The following SMC3 variants were observed in gnomAD, a reference collection of about 807,000 sequenced individuals.
The protein encoded by SMC3 is structural maintenance of chromosomes 3, also known as structural maintenance of chromosomes protein 3.
A neutral mutation model predicts 171.8 loss-of-function variants in SMC3; 20 were observed. The observed-to-expected ratio is 0.12, with a 90% CI of 0.08 to 0.17. SMC3 has a LOEUF of 0.17. Among genes scored for constraint, SMC3 ranks in the 10% least tolerant of loss-of-function variants. SMC3 has a pLI of 1.00. For synonymous variants in SMC3, 464 were observed against 451.1 expected, an observed-to-expected ratio of 1.03 and a Z score of -0.36; for missense variants, 543 against 1,420.4, an observed-to-expected ratio of 0.38 and a Z score of 9.93.
At chr10:110,568,767 CTTTTT>C (rs35132779) in intron 1 of SMC3, among the ~76,000 whole-genome samples, 166 bp from the exon 2 acceptor site, 44 of 143,212 alleles carry the variant, frequency 3.1e-4, no homozygotes, top group African/African-American at 1.1e-3. Context: ...ATAAAAGTAC[CTTTTT>C]TTTTTTTTAG....
At chr10:110,602,280 G>A in intron 25 of SMC3, 102 bp downstream of exon 25, 2 of 1,121,814 alleles carry the variant, frequency 1.8e-6, no homozygotes, top group Non-Finnish European at 2.7e-6. Context: ...ATTACCAGGT[G>A]AATCTAATAC....
intron 1 of SMC3, among the ~76,000 whole-genome samples, chr10:110,568,062 C>G (rs1590545279): frequency 6.6e-6 from 1 of 152,172 alleles, no homozygotes; most frequent in Non-Finnish European, 1.5e-5. Flanking sequence ...TGGCGCTTGT[C>G]TGGGAGAGGC....
intron 13 of SMC3, among the ~76,000 whole-genome samples, chr10:110,587,260 CATT>C (rs1463605281): frequency 6.6e-6 from 1 of 152,184 alleles, no homozygotes; most frequent in Non-Finnish European, 1.5e-5. Context: ...GTCTACAAAA[CATT>C]ATATTTTGAA....
chr10:110,576,648 T>G (rs1489284118), intron 4 of SMC3, among the ~76,000 whole-genome samples: 1 of 152,236 alleles, frequency 6.6e-6, no homozygotes, highest in Non-Finnish European at 1.5e-5. Flanking sequence ...TTGTCTGTCT[T>G]TTCCCCTTGT....
intron 13 of SMC3, among the ~76,000 whole-genome samples, chr10:110,588,634 G>A (rs1437099903): frequency 6.6e-6 from 1 of 152,128 alleles, no homozygotes; most frequent in Non-Finnish European, 1.5e-5. Context: ...AGAATGCCTG[G>A]TACATACTGG....
At chr10:110,576,203 G>A (rs1860946460) in intron 4 of SMC3, among the ~76,000 whole-genome samples, 1 of 152,118 alleles carries the variant, frequency 6.6e-6, no homozygotes, top group Non-Finnish European at 1.5e-5. Context: ...ATACTATGCT[G>A]AAAGTAAAAA....
chr10:110,576,341 A>T (rs1000953419), intron 4 of SMC3, among the ~76,000 whole-genome samples: 1 of 152,230 alleles, frequency 6.6e-6, no homozygotes, highest in Non-Finnish European at 1.5e-5. Context: ...AATGTGAGTT[A>T]GGATATTTTA....
chr10:110,597,528 G>T (rs968574041), intron 19 of SMC3, among the ~76,000 whole-genome samples: 1 of 152,214 alleles, frequency 6.6e-6, no homozygotes, highest in African/African-American at 2.4e-5. Flanking sequence ...TATAACTTCT[G>T]TGCCATCAGT....
chr10:110,582,010 A>T lies in SMC3; in HGVS notation c.635A>T (p.Gln212Leu), dbSNP rs751868443. Residue 212 changes from glutamine to leucine, a missense_variant, in exon 9 of 29, where the codon CAG becomes CTG. Coordinates refer to ENST00000361804, the MANE Select transcript of SMC3 (RefSeq NM_005445.4). Reference protein sequence around the residue: ...TLEEEKEELAQYQKWDKMRRA... With the variant: ...TLEEEKEELALYQKWDKMRRA... Reference sequence around the variant, plus strand: ...GAGGAAGAAAAGGAAGAACTAGCTCAGTATCAGAAGTGGGATAAAATGAGA... The same window carrying T: ...GAGGAAGAAAAGGAAGAACTAGCTCTGTATCAGAAGTGGGATAAAATGAGA... 3.1e-6 allele frequency: 5 copies of T among 1,613,152 alleles called. No individual in the cohort carries two copies. Among genetic ancestry groups the T allele is most frequent in the Non-Finnish European group, 4.2e-6 (5 of 1,179,152 alleles).
At position 110,590,461 on chromosome 10, in the gene SMC3, G is replaced by A. The variant is rs1338060180; in HGVS notation, c.1559G>A (p.Arg520His). 1.4e-5 allele frequency: 23 copies of A among 1,613,960 alleles called. No homozygotes were observed. Among genetic ancestry groups the A allele is most frequent in the East Asian group, 2.2e-5 (1 of 44,864 alleles). ...DSINKVLDHF[R>H]RKGINQHVQN... is the part of the protein sequence containing the mutation. ...ATAAACAAAGTGCTAGACCACTTCC[G>A]TCGAAAAGGAATAAACCAGCATGTT... is the stretch of plus-strand genomic sequence containing the variant. Residue 520 changes from arginine (R) to histidine (H), a missense_variant, in exon 16 of 29, where the codon CGT becomes CAT. Around this residue, in one of 8 missense-constraint regions of SMC3, gnomAD observed 218 missense variants for 509.6 expected, o/e 0.43. Coordinates refer to ENST00000361804, the MANE Select transcript of SMC3 (RefSeq NM_005445.4).
At chr10:110,568,366 C>G in intron 1 of SMC3, 1 of 172,978 alleles carries the variant, frequency 5.8e-6, no homozygotes, top group Non-Finnish European at 1.2e-5. Flanking sequence ...GACCCTCCTG[C>G]TTGCAGGATA....
At chr10:110,569,734 GAGA>G (rs1860841960) in intron 2 of SMC3, among the ~76,000 whole-genome samples, 1 of 152,188 alleles carries the variant, frequency 6.6e-6, no homozygotes, top group Non-Finnish European at 1.5e-5. Flanking sequence ...TAGGGCTGTT[GAGA>G]AGATTAAATG....
Position 110,604,303 on chromosome 10 carries a change from T to C in SMC3, c.*1T>C, listed in dbSNP as rs754702619. On this transcript the variant is annotated 3_prime_UTR_variant, in exon 29 of 29. Coordinates refer to ENST00000361804, the MANE Select transcript of SMC3 (RefSeq NM_005445.4). ...AGAAGATGATACCACACATGGTTAATTGGAAAATACTACCTACTGGTTTGG... is the reference window on the plus strand; with the variant it reads ...AGAAGATGATACCACACATGGTTAACTGGAAAATACTACCTACTGGTTTGG... 35 of 1,601,478 alleles carry C rather than the reference T, an allele frequency of 2.2e-5. No homozygotes were observed. The East Asian group carries it at 2.2e-4, about 10-fold the overall frequency.
chr10:110,591,992 G>A (rs1374917098), intron 17 of SMC3, among the ~76,000 whole-genome samples: 1 of 152,106 alleles, frequency 6.6e-6, no homozygotes, highest in Admixed American at 6.5e-5. Context: ...GGCCAGGCTC[G>A]GTGGCTCACA....
chr10:110,583,363 C>G, intron 10 of SMC3, 21 bp from the exon 11 acceptor site: 1 of 1,601,024 alleles, frequency 6.2e-7, no homozygotes, highest in South Asian at 1.1e-5. Context: ...GCCTTATTTT[C>G]TGTTTAATAC....
intron 19 of SMC3, among the ~76,000 whole-genome samples, chr10:110,597,158 A>G (rs979882696): frequency 3.6e-5 from 5 of 137,206 alleles, no homozygotes; most frequent in Admixed American, 2.2e-4. Flanking sequence ...AAAAAAAAAA[A>G]GGTGACAGGG....
In SMC3 at chr10:110,583,822, A is replaced by G. The variant is rs1590556631; in HGVS notation, c.970-19A>G. On this transcript the variant is annotated intron_variant, in intron 11 of 28. Transcript: ENST00000361804. ...ATGCAAAAAATTTAAAGCAGTTTGC[A>G]TTTTTACTTTGTTTACAGAAACGTT... is the stretch of plus-strand genomic sequence containing the variant. 4 of 1,611,142 alleles carry G rather than the reference A, an allele frequency of 2.5e-6. No individual in the cohort carries two copies. Among genetic ancestry groups the G allele is most frequent in the Non-Finnish European group, 3.4e-6 (4 of 1,179,160 alleles).
chr10:110,567,944 G>A lies in SMC3; in HGVS notation c.15+113G>A, dbSNP rs1860799531. The A allele has an allele frequency of 2.3e-6, 3 of 1,310,134 alleles. No homozygotes were observed. The South Asian group carries it at 3.7e-5, about 16-fold the overall frequency. The allele number at this position is 1,310,134 out of a possible 1,614,324, so 81.2% of individuals were successfully genotyped here. On this transcript the variant is annotated intron_variant, in intron 1 of 28. Coordinates refer to ENST00000361804, the MANE Select transcript of SMC3 (RefSeq NM_005445.4). ...TCCCCTGTCTCCACAGGCTGGACCA[G>A]GGCTGGGCGGGGACTGTGGGGGAGG...
chr10:110,571,132 A>T (rs560047574), intron 2 of SMC3, among the ~76,000 whole-genome samples: 57 of 152,374 alleles, frequency 3.7e-4, no homozygotes, highest in Middle Eastern at 6.8e-3. Flanking sequence ...GATAAACTAT[A>T]ATCCTTTTAC....
Sources: gnomAD v4.1 joint callset for allele counts (sites outside exome capture counted in the v4.1 genomes callset) on GRCh38, gnomAD v4.1.1 for gene constraint, gnomAD v4.1.1 regional missense constraint, MANE v1.5 for transcripts, NCBI Gene and HGNC (gene_info 2026-07-23, HGNC 2026-07-21) for gene names.